The following TMEM163 variants were observed in gnomAD, a reference collection of about 807,000 sequenced individuals.
The protein encoded by TMEM163 is transmembrane protein 163.
Under a neutral mutation model 29.3 loss-of-function variants are expected in TMEM163, and 17 were observed. The ratio of observed to expected loss-of-function variants is 0.58; its 90% CI spans 0.40 to 0.87. The LOEUF is 0.87. TMEM163 is among the 40% of genes least tolerant of loss of function. TMEM163 has a pLI of 0.00. For missense variants in TMEM163, 303 were observed against 381.5 expected, an observed-to-expected ratio of 0.79 and a Z score of 1.71; for synonymous variants, 157 against 160.6, an observed-to-expected ratio of 0.98 and a Z score of 0.17.
chr2:134,706,067 C>A (rs150233215), intron 2 of TMEM163, among the ~76,000 whole-genome samples: 164 of 152,312 alleles, frequency 1.1e-3, no homozygotes, highest in Middle Eastern at 6.8e-3. Context: ...GCTGCTGAGA[C>A]CCCTCCCCCA....
At chr2:134,659,477 TC>T (rs1222284106) in intron 2 of TMEM163, among the ~76,000 whole-genome samples, 1 of 152,062 alleles carries the variant, frequency 6.6e-6, no homozygotes, top group Non-Finnish European at 1.5e-5. Context: ...ACTGCCCAGG[TC>T]CCCTCATGAG....
chr2:134,661,543 C>T (rs988573308), intron 2 of TMEM163, among the ~76,000 whole-genome samples: 2 of 152,222 alleles, frequency 1.3e-5, no homozygotes, highest in African/African-American at 4.8e-5. Flanking sequence ...GAAGATCGTG[C>T]AACCCTATTC....
intron 5 of TMEM163, among the ~76,000 whole-genome samples, chr2:134,498,486 AATTT>A (rs1679625078): frequency 6.6e-6 from 1 of 150,608 alleles, no homozygotes; most frequent in African/African-American, 2.4e-5. Context: ...ACACCTGGCT[AATTT>A]ATTTATTTTT....
intron 1 of TMEM163, among the ~76,000 whole-genome samples, chr2:134,717,050 C>T (rs1030892263): frequency 6.6e-6 from 1 of 152,142 alleles, no homozygotes; most frequent in East Asian, 1.9e-4. Context: ...GAAAAATAAC[C>T]TTAAGAATGA....
intron 4 of TMEM163, among the ~76,000 whole-genome samples, chr2:134,549,519 GT>G (rs1455195123): frequency 6.6e-6 from 1 of 152,040 alleles, no homozygotes; most frequent in African/African-American, 2.4e-5. Flanking sequence ...GCTAATTTTT[GT>G]TTTTGTAGAG....
At chr2:134,512,893 C>T (rs978046325) in intron 4 of TMEM163, among the ~76,000 whole-genome samples, 1 of 152,204 alleles carries the variant, frequency 6.6e-6, no homozygotes. Context: ...AGCGTGCAGG[C>T]TGTGGCACTA....
intron 5 of TMEM163, among the ~76,000 whole-genome samples, chr2:134,496,064 ATT>A (rs57512015): frequency 2.5e-4 from 36 of 144,318 alleles, no homozygotes; most frequent in Middle Eastern, 3.5e-3. Flanking sequence ...AGGCTTAACT[ATT>A]TTTTTTTTTT....
At chr2:134,624,328 C>T (rs962591726) in intron 2 of TMEM163, among the ~76,000 whole-genome samples, 2 of 152,116 alleles carry the variant, frequency 1.3e-5, no homozygotes, top group Non-Finnish European at 2.9e-5. Context: ...GTGGATGGAA[C>T]AGGAGGCCAT....
At chr2:134,635,277 C>T (rs1683078598) in intron 2 of TMEM163, among the ~76,000 whole-genome samples, 1 of 152,160 alleles carries the variant, frequency 6.6e-6, no homozygotes, top group African/African-American at 2.4e-5. Context: ...GGGACTTGTT[C>T]CCAATGCTCA....
At chr2:134,529,744 G>A (rs1309151984) in intron 4 of TMEM163, among the ~76,000 whole-genome samples, 1 of 151,246 alleles carries the variant, frequency 6.6e-6, no homozygotes, top group Non-Finnish European at 1.5e-5. Flanking sequence ...TAGCCTAGGC[G>A]ACACAGCAAG....
intron 2 of TMEM163, among the ~76,000 whole-genome samples, chr2:134,635,906 G>C (rs72970159): frequency 6.6e-6 from 1 of 152,036 alleles, no homozygotes; most frequent in African/African-American, 2.4e-5. Context: ...AACAACATTC[G>C]GGGTTGACAC....
chr2:134,599,680 T>C (rs1682179622), intron 2 of TMEM163, among the ~76,000 whole-genome samples: 1 of 149,320 alleles, frequency 6.7e-6, no homozygotes, highest in South Asian at 2.1e-4. Context: ...GATAGCTATG[T>C]TCCCAACTTT....
At chr2:134,524,209 G>C (rs1264355146) in intron 4 of TMEM163, among the ~76,000 whole-genome samples, 1 of 152,158 alleles carries the variant, frequency 6.6e-6, no homozygotes, top group Non-Finnish European at 1.5e-5. Flanking sequence ...TTAGGACGAT[G>C]GTTGTCAAAG....
At chr2:134,535,806 C>T (rs1396984355) in intron 4 of TMEM163, among the ~76,000 whole-genome samples, 2 of 151,508 alleles carry the variant, frequency 1.3e-5, no homozygotes, top group African/African-American at 4.9e-5. Context: ...TCACTGCAAT[C>T]CCCACCTCCC....
At chr2:134,495,919 G>A (rs1679545041) in intron 5 of TMEM163, among the ~76,000 whole-genome samples, 1 of 152,076 alleles carries the variant, frequency 6.6e-6, no homozygotes, top group Non-Finnish European at 1.5e-5. Flanking sequence ...CCCACCTCAT[G>A]AAGCCCACTA....
chr2:134,700,094 C>T lies in TMEM163; in HGVS notation c.322+13106G>A, dbSNP rs553047921. On this transcript the variant is annotated intron_variant, in intron 2 of 7. Transcript: ENST00000281924. Reference sequence around the variant, plus strand: ...ACCTGATAGCTTTAATTCATTTACACTTTTGATAATTTCTGAAACATCTGG... The same window carrying T: ...ACCTGATAGCTTTAATTCATTTACATTTTTGATAATTTCTGAAACATCTGG... 3.3e-5 allele frequency among the ~76,000 whole-genome samples: 5 copies of T among 152,162 alleles called. No individual in the cohort carries two copies. In the East Asian group the frequency reaches 9.7e-4, roughly 29 times the overall value.
intron 4 of TMEM163, among the ~76,000 whole-genome samples, chr2:134,520,054 C>T (rs1002443229): frequency 2.0e-5 from 3 of 152,002 alleles, no homozygotes; most frequent in South Asian, 2.1e-4. Context: ...GATGAAGGGG[C>T]GTGGAGGAAG....
intron 4 of TMEM163, among the ~76,000 whole-genome samples, chr2:134,515,855 T>C (rs1054679736): frequency 6.6e-6 from 1 of 152,200 alleles, no homozygotes; most frequent in Admixed American, 6.5e-5. Context: ...GCTGTACTTT[T>C]GTAACAAAAA....
At chr2:134,649,892 G>C (rs1258461555) in intron 2 of TMEM163, among the ~76,000 whole-genome samples, 2 of 151,380 alleles carry the variant, frequency 1.3e-5, no homozygotes, top group African/African-American at 4.9e-5. Context: ...TGTAGTCCCA[G>C]CTACTTGGGT....
Sources: gnomAD v4.1 joint callset for allele counts (sites outside exome capture counted in the v4.1 genomes callset) on GRCh38, gnomAD v4.1.1 for gene constraint, MANE v1.5 for transcripts, NCBI Gene and HGNC (gene_info 2026-07-23, HGNC 2026-07-21) for gene names.